The following BMPR2 variants were observed in gnomAD, a reference collection of about 807,000 sequenced individuals.
BMPR2 encodes bone morphogenetic protein receptor type 2, also known as bone morphogenetic protein receptor type-2.
A neutral mutation model predicts 100.8 loss-of-function variants in BMPR2; 29 were observed. That is an observed-to-expected ratio of 0.29 (90% CI 0.21 to 0.39). BMPR2 has a LOEUF of 0.39. Among genes scored for constraint, BMPR2 ranks in the 10% least tolerant of loss-of-function variants. The probability of loss-of-function intolerance (pLI) is 1.00; values close to 1 mark genes in which losing one functional copy is unlikely to be tolerated. For missense variants in BMPR2, 1,011 were observed against 1,274.5 expected, an observed-to-expected ratio of 0.79 and a Z score of 3.15; for synonymous variants, 382 against 442.3, an observed-to-expected ratio of 0.86 and a Z score of 1.71.
chr2:202,384,024 T>C (rs1690361654), intron 1 of BMPR2, among the ~76,000 whole-genome samples: 1 of 151,702 alleles, frequency 6.6e-6, no homozygotes. Context: ...ATACAAAAAT[T>C]ACCCGGGCGT....
intron 1 of BMPR2, among the ~76,000 whole-genome samples, chr2:202,463,690 T>C (rs1389251397): frequency 6.6e-6 from 1 of 152,222 alleles, no homozygotes; most frequent in Non-Finnish European, 1.5e-5. Context: ...TCAGCAATGT[T>C]GGTAAATATT....
intron 1 of BMPR2, among the ~76,000 whole-genome samples, chr2:202,391,272 T>G (rs1690543221): frequency 1.3e-5 from 2 of 151,572 alleles, no homozygotes; most frequent in Non-Finnish European, 2.9e-5. Flanking sequence ...CACTGCGCCT[T>G]AGTAAGTAGT....
Position 202,532,564 on chromosome 2 carries a change from AAT to A in BMPR2, c.1129-18_1129-17del, listed in dbSNP as rs1392519458. On this transcript the variant is annotated intron_variant, in intron 8 of 12. Coordinates refer to ENST00000374580, the MANE Select transcript of BMPR2 (RefSeq NM_001204.7). This position sits in a 1 kb window ranked among gnomAD's most constrained non-coding sequence, Gnocchi z 4.1. The stretch of plus-strand genomic sequence containing the variant: ...AATATGCTACGTTCTCTCTCTAAAA[AAT>A]ATCACTCTAATTTATCAGGTTGGCA... 6.2e-7 allele frequency: 1 copy of A among 1,612,974 alleles called. No individual in the cohort carries two copies. The highest frequency in any genetic ancestry group is 8.5e-7 in the Non-Finnish European group (1 of 1,179,068).
rs776543183 is a variant in BMPR2 at position 202,382,995 on chromosome 2, T to C, written c.76+5445T>C. Among the ~76,000 whole-genome samples, 45 of 152,252 alleles carry C rather than the reference T, an allele frequency of 3.0e-4. 2 individuals carry two copies. Among genetic ancestry groups the C allele is most frequent in the Non-Finnish European group, 5.9e-4 (40 of 68,042 alleles). ...CTGGATCTAAGATTCTTTCTAACTC[T>C]CAAGTTCTATAACTTTATTTCTACT... On this transcript the variant is annotated intron_variant, in intron 1 of 12. Coordinates refer to ENST00000374580, the MANE Select transcript of BMPR2 (RefSeq NM_001204.7).
At chr2:202,425,716 T>G (rs1691371364) in intron 1 of BMPR2, among the ~76,000 whole-genome samples, 1 of 152,128 alleles carries the variant, frequency 6.6e-6, no homozygotes, top group Admixed American at 6.5e-5. Flanking sequence ...AAATCTTATT[T>G]AAAAAATCTT....
chr2:202,395,455 A>G (rs1280384848), intron 1 of BMPR2, among the ~76,000 whole-genome samples: 3 of 152,240 alleles, frequency 2.0e-5, no homozygotes, highest in Non-Finnish European at 4.4e-5. Context: ...TATGATACAG[A>G]AGTGTGAATC....
At position 202,467,527 on chromosome 2, in the gene BMPR2, T is replaced by A; in HGVS notation, c.256T>A (p.Ser86Thr). The A allele has an allele frequency of 6.4e-7, 1 of 1,552,566 alleles. No homozygotes were observed. The highest frequency in any genetic ancestry group is 1.1e-5 in the South Asian group (1 of 89,772). The part of the protein sequence containing the change: ...DINLVKQGCW[S>T]HIGDPQECHY... ...TTCATATTGATTTATAGGATGTTGG[T>A]CTCACATTGGAGATCCCCAAGAGTG... is the stretch of plus-strand genomic sequence containing the variant. The change falls in exon 3 of 13, where the codon TCT becomes ACT. Residue 86 changes from serine to threonine, a missense_variant. Physicochemically the swap from Ser to Thr is moderately conservative, Grantham distance 58 (BLOSUM62 1). Transcript: ENST00000374580.
intron 5 of BMPR2, among the ~76,000 whole-genome samples, chr2:202,517,641 C>T (rs886394340): frequency 4.0e-5 from 6 of 151,896 alleles, no homozygotes; most frequent in Non-Finnish European, 8.8e-5. Context: ...TGAGCCACCA[C>T]GCCCGGCCTC....
chr2:202,537,974 T>G (rs896046491), intron 9 of BMPR2, among the ~76,000 whole-genome samples: 1 of 151,154 alleles, frequency 6.6e-6, no homozygotes. Context: ...ATACAAAAAT[T>G]AGACAGGTGC....
chr2:202,389,512 G>C (rs1393519786), intron 1 of BMPR2, among the ~76,000 whole-genome samples: 2 of 115,460 alleles, frequency 1.7e-5, no homozygotes, highest in Non-Finnish European at 1.7e-5. Flanking sequence ...GGGCGACAGA[G>C]TAAGATTCCA....
chr2:202,554,580 A>G (rs547569799), intron 11 of BMPR2, among the ~76,000 whole-genome samples: 2 of 152,164 alleles, frequency 1.3e-5, no homozygotes, highest in East Asian at 3.9e-4. Context: ...TGTCACTCCC[A>G]AGGAATGACA....
intron 3 of BMPR2, chr2:202,469,621 G>A: frequency 5.4e-6 from 1 of 183,982 alleles, no homozygotes; most frequent in Non-Finnish European, 1.2e-5. Flanking sequence ...CAGGATAACA[G>A]GTGTCTGCCA....
At chr2:202,429,531 T>A (rs182102493) in intron 1 of BMPR2, among the ~76,000 whole-genome samples, 1 of 152,326 alleles carries the variant, frequency 6.6e-6, no homozygotes, top group African/African-American at 2.4e-5. Context: ...CAAGTTATAT[T>A]TCTGTGATGC....
intron 7 of BMPR2, among the ~76,000 whole-genome samples, chr2:202,523,925 AAGT>A (rs757917134): frequency 5.3e-5 from 8 of 152,218 alleles, no homozygotes; most frequent in Non-Finnish European, 1.0e-4. Context: ...AGGTTATGCT[AAGT>A]AGGAATAGAA....
chr2:202,400,308 A>ATTTT (rs35517349), intron 1 of BMPR2, among the ~76,000 whole-genome samples: 2 of 130,562 alleles, frequency 1.5e-5, no homozygotes, highest in East Asian at 2.2e-4. Flanking sequence ...TGCCAAGCTA[A>ATTTT]TTTTTTTTTT....
At chr2:202,521,300 C>T (rs1477528058) in intron 7 of BMPR2, among the ~76,000 whole-genome samples, 3 of 152,212 alleles carry the variant, frequency 2.0e-5, no homozygotes, top group Admixed American at 6.5e-5. Context: ...TGATTGATGG[C>T]TCATGCCTGT....
chr2:202,379,892 C>G (rs1463139987), intron 1 of BMPR2, among the ~76,000 whole-genome samples: 4 of 150,882 alleles, frequency 2.7e-5, no homozygotes, highest in Non-Finnish European at 5.9e-5. Context: ...GAGTATCACT[C>G]TGTCGCCCAG....
At chr2:202,507,028 G>C (rs1195601048) in intron 3 of BMPR2, among the ~76,000 whole-genome samples, 1 of 150,422 alleles carries the variant, frequency 6.6e-6, no homozygotes, top group East Asian at 1.9e-4. Context: ...ACCCGAGATC[G>C]TGCCATTGGA....
At chr2:202,489,003 T>C (rs1306200674) in intron 3 of BMPR2, among the ~76,000 whole-genome samples, 1 of 98,430 alleles carries the variant, frequency 1.0e-5, no homozygotes, top group Non-Finnish European at 2.6e-5. Context: ...TTTTGTTACT[T>C]TTTTTTTTTT....
Sources: allele counts gnomAD v4.1 joint callset (sites outside exome capture counted in the v4.1 genomes callset), GRCh38; gene constraint gnomAD v4.1.1; non-coding constraint Gnocchi (gnomAD v3.1); transcripts MANE v1.5; gene names NCBI Gene and HGNC (gene_info 2026-07-23, HGNC 2026-07-21).